ANK3: variants seen among roughly 807,000 people sequenced by gnomAD.
ANK3 encodes ankyrin 3, also known as ankyrin-3.
Under a neutral mutation model 370.9 loss-of-function variants are expected in ANK3, and 57 were observed. The observed-to-expected ratio is 0.15, with a 90% CI of 0.12 to 0.19. The LOEUF (loss-of-function observed/expected upper bound fraction) is 0.19, where lower values mean the gene tolerates loss of function less well. Among genes scored for constraint, ANK3 ranks in the 10% least tolerant of loss-of-function variants. The pLI is 1.00. For missense variants in ANK3, 4,439 were observed against 5,302.1 expected (o/e 0.84, Z 5.06); for synonymous variants, 1,929 against 1,946.3 (o/e 0.99, Z 0.23).
At chr10:60,245,951 G>C (rs1565957933) in intron 7 of ANK3, among the ~76,000 whole-genome samples, 2 of 152,018 alleles carry the variant, frequency 1.3e-5, no homozygotes, top group Non-Finnish European at 2.9e-5. Context: ...ATACCATAGT[G>C]ATCATTATTA....
chr10:60,314,136 G>A (rs2046944447), intron 1 of ANK3, among the ~76,000 whole-genome samples: 1 of 152,120 alleles, frequency 6.6e-6, no homozygotes, highest in Non-Finnish European at 1.5e-5. Flanking sequence ...ATGATATTTT[G>A]AGAGAATCAA....
chr10:60,049,645 A>C (rs1236072884), intron 42 of ANK3, among the ~76,000 whole-genome samples: 1 of 152,180 alleles, frequency 6.6e-6, no homozygotes, highest in African/African-American at 2.4e-5. Context: ...CTACAACATT[A>C]TAGTGGATTT....
chr10:60,062,897 A>G (rs1455748852), intron 40 of ANK3: 13 of 383,872 alleles, frequency 3.4e-5, no homozygotes, highest in Non-Finnish European at 5.5e-5. Flanking sequence ...TTCATACGTC[A>G]TGATTTATAT....
chr10:60,271,587 C>T (rs975293969), intron 4 of ANK3, among the ~76,000 whole-genome samples: 5 of 152,016 alleles, frequency 3.3e-5, no homozygotes, highest in African/African-American at 1.2e-4. Flanking sequence ...ATACATTACG[C>T]AATTTCAAAG....
At chr10:60,259,618 T>C (rs2097777180) in intron 7 of ANK3, among the ~76,000 whole-genome samples, 1 of 152,188 alleles carries the variant, frequency 6.6e-6, no homozygotes, top group Admixed American at 6.5e-5. Context: ...TTAGAATCAC[T>C]TGGAAAAGTC....
chr10:60,425,098 T>C (rs1301576162), intron 2 of ANK3, among the ~76,000 whole-genome samples: 1 of 151,950 alleles, frequency 6.6e-6, no homozygotes, highest in Non-Finnish European at 1.5e-5. Flanking sequence ...GTGAAATACA[T>C]TTCAGGGTAG....
chr10:60,071,094 C>A lies in ANK3; in HGVS notation c.9787G>T (p.Asp3263Tyr). ...TGCTTCTTATCTGACTCAATCTGGT[C>A]CGCATCCAGTGGTGGAGGAGGGGGA... ...EFPPPPPLDA[D>Y]QIESDKKHHY... is the part of the protein sequence containing the mutation. The change falls in exon 37 of 44, where the codon GAC becomes TAC. Residue 3263 changes from aspartate (D) to tyrosine (Y), a missense_variant. Transcript: ENST00000280772. 1 of 1,614,120 alleles carries A rather than the reference C, an allele frequency of 6.2e-7. No homozygotes were observed. Among genetic ancestry groups the A allele is most frequent in the Non-Finnish European group, 8.5e-7 (1 of 1,180,012 alleles).
chr10:60,572,531 T>A, intron 2 of ANK3: 1 of 1,535,630 alleles, frequency 6.5e-7, no homozygotes, highest in East Asian at 2.4e-5. Flanking sequence ...CACTCATCTT[T>A]CCTTTAAATC....
chr10:60,161,706 TAGAA>T (rs2095505231), intron 23 of ANK3, among the ~76,000 whole-genome samples: 1 of 151,828 alleles, frequency 6.6e-6, no homozygotes, highest in Non-Finnish European at 1.5e-5. Flanking sequence ...CTCATGGAGA[TAGAA>T]AGTAGAATGA....
intron 2 of ANK3, among the ~76,000 whole-genome samples, chr10:60,561,901 G>A (rs529579945): frequency 1.1e-3 from 165 of 152,318 alleles, no homozygotes; most frequent in African/African-American, 3.7e-3. Context: ...TCTCTCCACT[G>A]TAGCAGCCTC....
At chr10:60,053,938 G>A (rs771386999) in intron 42 of ANK3, among the ~76,000 whole-genome samples, 3 of 152,070 alleles carry the variant, frequency 2.0e-5, no homozygotes, top group South Asian at 2.1e-4. Context: ...AATAGGACTC[G>A]AAACCAATAT....
At chr10:60,679,448 A>G (rs2079166281) in intron 1 of ANK3, among the ~76,000 whole-genome samples, 1 of 152,190 alleles carries the variant, frequency 6.6e-6, no homozygotes, top group Non-Finnish European at 1.5e-5. Flanking sequence ...GCAGCTTTCC[A>G]TTAAGATTTC....
In ANK3 at chr10:60,173,076, G is replaced by A; in HGVS notation, c.2283+12C>T. 1 of 1,611,898 alleles carries A rather than the reference G, an allele frequency of 6.2e-7. No individual in the cohort carries two copies. Among genetic ancestry groups the A allele is most frequent in the South Asian group, 1.1e-5 (1 of 90,590 alleles). ...AATGATTCTGGCAGAAACAAAAAAG[G>A]AAGGAGCTTACCTTTGTTTTGGCAT... On this transcript the variant is annotated intron_variant, in intron 19 of 43. Coordinates refer to ENST00000280772, the MANE Select transcript of ANK3 (RefSeq NM_020987.5).
intron 1 of ANK3, among the ~76,000 whole-genome samples, chr10:60,679,930 G>A (rs749884524): frequency 6.6e-6 from 1 of 152,052 alleles, no homozygotes; most frequent in Non-Finnish European, 1.5e-5. Flanking sequence ...GAGGTCAGGA[G>A]TTCAAGACCA....
At chr10:60,285,949 C>T (rs1304544295) in intron 1 of ANK3, among the ~76,000 whole-genome samples, 1 of 152,116 alleles carries the variant, frequency 6.6e-6, no homozygotes, top group Admixed American at 6.6e-5. Flanking sequence ...CCTCAAACCC[C>T]CTTCCAGAAA....
intron 2 of ANK3, among the ~76,000 whole-genome samples, chr10:60,410,754 A>G (rs1253994614): frequency 2.0e-5 from 3 of 149,018 alleles, no homozygotes; most frequent in South Asian, 4.3e-4. Context: ...GCATCCTCAA[A>G]CTCCTGGTTC....
At chr10:60,544,860 A>T (rs1030050905) in intron 2 of ANK3, among the ~76,000 whole-genome samples, 1 of 152,004 alleles carries the variant, frequency 6.6e-6, no homozygotes, top group Non-Finnish European at 1.5e-5. Context: ...TTTTAACACA[A>T]ATCCATTTAA....
chr10:60,272,519 G>A (rs1405076573), intron 4 of ANK3, among the ~76,000 whole-genome samples: 4 of 151,646 alleles, frequency 2.6e-5, no homozygotes, highest in Admixed American at 6.6e-5. Context: ...TCACTCTGTC[G>A]CCCAAGCTGG....
chr10:60,311,602 C>A (rs1032248527), intron 1 of ANK3, among the ~76,000 whole-genome samples: 1 of 151,868 alleles, frequency 6.6e-6, no homozygotes, highest in East Asian at 1.9e-4. Flanking sequence ...TGACCAAATT[C>A]TCTGGTCTGG....
Sources: gnomAD v4.1 joint callset for allele counts (sites outside exome capture counted in the v4.1 genomes callset) on GRCh38, gnomAD v4.1.1 for gene constraint, MANE v1.5 for transcripts, NCBI Gene and HGNC (gene_info 2026-07-23, HGNC 2026-07-21) for gene names.